The following RFC1 variants were observed in gnomAD, a reference collection of about 807,000 sequenced individuals.
RFC1 encodes A1 140 kDa subunit.
A neutral mutation model predicts 137.4 loss-of-function variants in RFC1; 37 were observed. The ratio of observed to expected loss-of-function variants is 0.27; its 90% CI spans 0.21 to 0.35. RFC1 has a LOEUF of 0.35. Ranked by LOEUF, RFC1 falls within the 10% of genes least tolerant of loss-of-function variation. The pLI is 1.00. For synonymous variants in RFC1, 429 were observed against 455.7 expected, an observed-to-expected ratio of 0.94 and a Z score of 0.75; for missense variants, 1,205 against 1,358.5, an observed-to-expected ratio of 0.89 and a Z score of 1.78.
chr4:39,306,488 C>CACA, intron 14 of RFC1, 104 bp downstream of exon 14: 1 of 585,632 alleles, frequency 1.7e-6, no homozygotes, highest in East Asian at 3.0e-5. Flanking sequence ...TATATAGACA[C>CACA]CACACACACA....
At chr4:39,316,508 A>G (rs1167705645) in intron 10 of RFC1, among the ~76,000 whole-genome samples, 2 of 152,130 alleles carry the variant, frequency 1.3e-5, no homozygotes, top group Non-Finnish European at 2.9e-5. Context: ...TAAATGTCAC[A>G]TTCTACATGC....
Position 39,366,281 on chromosome 4 carries a change from G to C in RFC1, c.-40C>G, listed in dbSNP as rs756174463. Reference sequence around the variant, plus strand: ...GAAGGCGCTGGCTGGCTGGCGGGTGGGCCGGTTGAGGAATCTGTTATCGAG... The same window carrying C: ...GAAGGCGCTGGCTGGCTGGCGGGTGCGCCGGTTGAGGAATCTGTTATCGAG... On this transcript the variant is annotated 5_prime_UTR_variant, in exon 1 of 25. Coordinates refer to ENST00000349703, the MANE Select transcript of RFC1 (RefSeq NM_002913.5). 3.3e-6 allele frequency: 5 copies of C among 1,520,512 alleles called. No homozygotes were observed. Among genetic ancestry groups the C allele is most frequent in the African/African-American group, 2.8e-5 (2 of 71,476 alleles). The allele number at this position is 1,520,512 out of a possible 1,614,324, so 94.2% of individuals were successfully genotyped here. A position where few individuals can be genotyped will look rare whatever the true frequency, so the allele number is the denominator to read the frequency against.
intron 2 of RFC1, among the ~76,000 whole-genome samples, chr4:39,348,341 T>G (rs916441751): frequency 2.0e-5 from 3 of 148,280 alleles, no homozygotes; most frequent in Non-Finnish European, 4.5e-5. Flanking sequence ...GAGATTCACT[T>G]GAACCTGGGA....
chr4:39,329,241 C>T (rs1739961884), intron 4 of RFC1, among the ~76,000 whole-genome samples: 1 of 151,078 alleles, frequency 6.6e-6, no homozygotes, highest in Non-Finnish European at 1.5e-5. Context: ...GTAGCACACA[C>T]CTGTCATCCC....
At chr4:39,360,781 C>T (rs867389949) in intron 1 of RFC1, among the ~76,000 whole-genome samples, 2 of 152,034 alleles carry the variant, frequency 1.3e-5, no homozygotes, top group Admixed American at 6.5e-5. Context: ...TTCATTTTAT[C>T]TTTGAAGAGT....
chr4:39,332,691 G>A (rs766902991), intron 4 of RFC1, among the ~76,000 whole-genome samples: 1 of 152,054 alleles, frequency 6.6e-6, no homozygotes, highest in African/African-American at 2.4e-5. Context: ...CGCTGAACAG[G>A]GAGAAAAAGT....
chr4:39,291,574 G>A (rs972762766), intron 23 of RFC1, 65 bp downstream of exon 23: 38 of 1,147,832 alleles, frequency 3.3e-5, no homozygotes, highest in East Asian at 4.7e-5. Flanking sequence ...AAACACCTCC[G>A]AAGTATTGTC....
At chr4:39,341,498 G>T in intron 4 of RFC1, 1 of 409,088 alleles carries the variant, frequency 2.4e-6, no homozygotes, top group Non-Finnish European at 4.9e-6. Context: ...TTTTGTCTTT[G>T]ATATTTTGAA....
At chr4:39,301,696 C>T (rs528412398) in intron 19 of RFC1, among the ~76,000 whole-genome samples, 1 of 152,274 alleles carries the variant, frequency 6.6e-6, no homozygotes, top group Non-Finnish European at 1.5e-5. Flanking sequence ...CCTATAATCC[C>T]GGCACCTTGG....
intron 4 of RFC1, among the ~76,000 whole-genome samples, chr4:39,332,199 G>A (rs906752340): frequency 2.2e-4 from 33 of 152,150 alleles, no homozygotes; most frequent in Admixed American, 1.7e-3. Flanking sequence ...GCATGAAATC[G>A]GACTAATACA....
chr4:39,294,036 A>T (rs17335487), intron 22 of RFC1, among the ~76,000 whole-genome samples: 2 of 152,194 alleles, frequency 1.3e-5, no homozygotes, highest in Non-Finnish European at 2.9e-5. Context: ...GACCCTTGTG[A>T]TAACTGCACA....
chr4:39,288,045 G>A lies in RFC1; in HGVS notation c.*716C>T, dbSNP rs1441700752. ...ACACACACAGAGGGAGTGAGGCTGG[G>A]AATCCGAGTTCTGACTCCTCGACTG... On this transcript the variant is annotated 3_prime_UTR_variant, in exon 25 of 25. Transcript: ENST00000349703. 2.0e-5 allele frequency: 3 copies of A among 152,202 alleles called. No individual in the cohort carries two copies. The highest frequency in any genetic ancestry group is 7.2e-5 in the African/African-American group (3 of 41,444). The allele number at this position is 152,202 out of a possible 1,614,324, so 9.4% of individuals were successfully genotyped here. A position where few individuals can be genotyped will look rare whatever the true frequency, so the allele number is the denominator to read the frequency against.
At chr4:39,325,659 A>G (rs1045505765) in intron 6 of RFC1, among the ~76,000 whole-genome samples, 1 of 152,190 alleles carries the variant, frequency 6.6e-6, no homozygotes, top group African/African-American at 2.4e-5. Flanking sequence ...CTGGGATTAC[A>G]GGCATGAGCC....
At chr4:39,326,190 ACT>A (rs1276974381) in intron 6 of RFC1, among the ~76,000 whole-genome samples, 2 of 152,084 alleles carry the variant, frequency 1.3e-5, no homozygotes, top group African/African-American at 2.4e-5. Context: ...ACAAAGCGAG[ACT>A]CTGTCTCAAA....
chr4:39,339,631 T>C (rs1269223017), intron 4 of RFC1, among the ~76,000 whole-genome samples: 2 of 152,204 alleles, frequency 1.3e-5, no homozygotes, highest in Non-Finnish European at 2.9e-5. Context: ...TCATACATTG[T>C]AGATATCATC....
chr4:39,317,625 G>A (rs1400889868), intron 9 of RFC1, among the ~76,000 whole-genome samples: 1 of 152,136 alleles, frequency 6.6e-6, no homozygotes, highest in Admixed American at 6.5e-5. Context: ...GTATATCTCA[G>A]AAAATCCTGG....
chr4:39,350,562 CA>C (rs140274208), intron 2 of RFC1, among the ~76,000 whole-genome samples: 3,695 of 152,050 alleles, frequency 0.024, 80 homozygotes, highest in Middle Eastern at 0.041. Context: ...AACTAGAAGC[CA>C]AAAAACAGTG....
At chr4:39,351,738 G>C (rs1293916398) in intron 1 of RFC1, among the ~76,000 whole-genome samples, 1 of 152,098 alleles carries the variant, frequency 6.6e-6, no homozygotes, top group African/African-American at 2.4e-5. Flanking sequence ...GAGGTGGGTG[G>C]ATCACTTGAG....
At chr4:39,347,518 T>C (rs1192617153) in intron 2 of RFC1, among the ~76,000 whole-genome samples, 1 of 152,206 alleles carries the variant, frequency 6.6e-6, no homozygotes, top group Non-Finnish European at 1.5e-5. Context: ...AATACAGATT[T>C]TGGTACCAAG....
Sources: gnomAD v4.1 joint callset for allele counts (sites outside exome capture counted in the v4.1 genomes callset) on GRCh38, gnomAD v4.1.1 for gene constraint, MANE v1.5 for transcripts, NCBI Gene and HGNC (gene_info 2026-07-23, HGNC 2026-07-21) for gene names.